The following MROH2B variants were observed in gnomAD, a reference collection of about 807,000 sequenced individuals.
The protein encoded by MROH2B is maestro heat like repeat family member 2B.
In MROH2B, 177 loss-of-function variants were observed where a neutral mutation model predicts 208.6. That is an observed-to-expected ratio of 0.85 (90% CI 0.75 to 0.96). MROH2B has a LOEUF of 0.96. Among genes scored for constraint, MROH2B ranks in the 40% least tolerant of loss-of-function variants. The pLI is 0.00. For missense variants in MROH2B, 2,002 were observed against 1,878.7 expected (o/e 1.07, Z -1.21); for synonymous variants, 728 against 659.0 (o/e 1.10, Z -1.60).
intron 2 of MROH2B, among the ~76,000 whole-genome samples, chr5:41,068,048 G>GT (rs1336102837): frequency 6.6e-6 from 1 of 152,126 alleles, no homozygotes; most frequent in Non-Finnish European, 1.5e-5. Context: ...TGTGTGGCTT[G>GT]ACTAGATGCC....
Position 41,050,966 on chromosome 5 carries a change from A to T in MROH2B, c.1344+11T>A. The stretch of plus-strand genomic sequence containing the variant: ...CAAAGTAACTGTAAGTGGTGACAAA[A>T]GACCACTTACCTGAGGCATTCCAAT... On this transcript the variant is annotated intron_variant, in intron 13 of 41. Transcript: ENST00000399564. 6.5e-7 allele frequency: 1 copy of T among 1,540,398 alleles called. No individual in the cohort carries two copies. The highest frequency in any genetic ancestry group is 8.8e-7 in the Non-Finnish European group (1 of 1,137,310).
At position 40,998,095 on chromosome 5, in the gene MROH2B, T is replaced by C; in HGVS notation, c.4715A>G (p.Gln1572Arg). The C allele has an allele frequency of 1.2e-6, 2 of 1,612,414 alleles. No homozygotes were observed. The highest frequency in any genetic ancestry group is 4.5e-5 in the East Asian group (2 of 44,854). The change falls in exon 42 of 42, where the codon CAA (glutamine) becomes CGA (arginine). Residue 1572 changes from glutamine to arginine, a missense_variant. Transcript: ENST00000399564. ...CTCTTTACACCTTCTCAGGAGGGTT[T>C]GCAAAGCAGCCTCAGCTGCTCTCTG... is the stretch of plus-strand genomic sequence containing the variant. ...SVQRAAEAAL[Q>R]TLLRRCKETS...
intron 29 of MROH2B, among the ~76,000 whole-genome samples, chr5:41,013,613 G>C (rs367747793): frequency 1.4e-3 from 213 of 152,272 alleles, no homozygotes; most frequent in African/African-American, 5.0e-3. Flanking sequence ...CAAACCATTT[G>C]CTGAGTTATT....
intron 5 of MROH2B, among the ~76,000 whole-genome samples, chr5:41,062,479 G>T (rs147535797): frequency 1.3e-5 from 2 of 152,086 alleles, no homozygotes; most frequent in Admixed American, 6.6e-5. Flanking sequence ...TCTGATTTGC[G>T]TGATTTTCTG....
rs1313158668 is a variant in MROH2B, at chr5:41,015,314, A to G, written c.2982+67T>C. ...ATCTATCTTCTTTGCAGTGGGGAGT[A>G]TGTAGCTTACTCATTTGGAAATCAA... On this transcript the variant is annotated intron_variant, in intron 29 of 41. Transcript: ENST00000399564. The G allele has an allele frequency of 2.2e-6, 3 of 1,371,376 alleles. No individual in the cohort carries two copies. In the East Asian group the frequency reaches 6.9e-5, roughly 32 times the overall value. The allele number at this position is 1,371,376 out of a possible 1,614,324, so 85.0% of individuals were successfully genotyped here. A position where few individuals can be genotyped will look rare whatever the true frequency, so the allele number is the denominator to read the frequency against.
Position 41,061,774 on chromosome 5 carries a change from C to T in MROH2B, c.461-50G>A. The T allele has an allele frequency of 1.9e-6, 3 of 1,548,586 alleles. No homozygotes were observed. In the Middle Eastern group the frequency reaches 5.2e-4, roughly 267 times the overall value. On this transcript the variant is annotated intron_variant, in intron 5 of 41. Transcript: ENST00000399564. ...GACTGAGAAAAATATAAGGATGGGG[C>T]AGACGATAAAATAATTTGAGAAGAG...
At chr5:41,018,662 G>A (rs372431130) in intron 26 of MROH2B, 29 bp downstream of exon 26, 3 of 1,604,342 alleles carry the variant, frequency 1.9e-6, no homozygotes, top group African/African-American at 1.3e-5. Flanking sequence ...GGGAGAATGA[G>A]AATCAGTTTG....
Position 41,070,737 on chromosome 5 carries a change from C to T in MROH2B, c.28+88G>A, listed in dbSNP as rs956892896. 8 of 1,355,492 alleles carry T rather than the reference C, an allele frequency of 5.9e-6. No individual in the cohort carries two copies. In the Admixed American group the frequency reaches 1.6e-4, roughly 27 times the overall value. 84.0% of individuals were successfully genotyped at this position (1,355,492 alleles called of 1,614,324 possible). The stretch of plus-strand genomic sequence containing the variant: ...TGTACAGTCCTCCCACAATGACGCG[C>T]CACTCCCAGCCCTCATATATACTTA... On this transcript the variant is annotated intron_variant, in intron 1 of 41. Coordinates refer to ENST00000399564, the MANE Select transcript of MROH2B (RefSeq NM_173489.5).
chr5:41,042,132 T>C lies in MROH2B; in HGVS notation c.1913A>G (p.Glu638Gly). 1 of 1,596,778 alleles carries C rather than the reference T, an allele frequency of 6.3e-7. No homozygotes were observed. The highest frequency in any genetic ancestry group is 8.5e-7 in the Non-Finnish European group (1 of 1,170,926). Reference protein sequence around the residue: ...DSDFVNSQIKEFLTAPNQLGD... With the variant: ...DSDFVNSQIKGFLTAPNQLGD... ...CAGTTGGTTGGGAGCAGTCAGAAAC[T>C]CCTTAATCTGTGAGTTTACAAAGTC... Residue 638 changes from glutamate (E) to glycine (G), a missense_variant, in exon 19 of 42, where the codon GAG becomes GGG. By Grantham distance (98) the Glu-to-Gly change is moderately conservative. Coordinates refer to ENST00000399564, the MANE Select transcript of MROH2B (RefSeq NM_173489.5).
At chr5:41,060,827 G>A (rs893593625) in intron 6 of MROH2B, among the ~76,000 whole-genome samples, 7 of 152,142 alleles carry the variant, frequency 4.6e-5, no homozygotes, top group Admixed American at 2.6e-4. Flanking sequence ...TGTTGCTAAC[G>A]ATTTAACTAC....
At chr5:41,065,996 C>T (rs1233665226) in intron 3 of MROH2B, among the ~76,000 whole-genome samples, 5 of 152,146 alleles carry the variant, frequency 3.3e-5, no homozygotes, top group Admixed American at 6.5e-5. Flanking sequence ...GAATTTAAAA[C>T]GCTGGTTTTA....
intron 21 of MROH2B, among the ~76,000 whole-genome samples, chr5:41,038,067 G>A (rs1243370314): frequency 1.3e-5 from 2 of 152,142 alleles, no homozygotes; most frequent in Non-Finnish European, 2.9e-5. Context: ...AGGTTGGCTG[G>A]GATGAATGTG....
chr5:41,019,092 C>A, intron 24 of MROH2B, 74 bp from the exon 25 acceptor site: 1 of 1,572,610 alleles, frequency 6.4e-7, no homozygotes, highest in South Asian at 1.1e-5. Flanking sequence ...TTCCCAAGAA[C>A]TGCCAATCAC....
chr5:41,010,163 G>A, intron 30 of MROH2B, 84 bp from the exon 31 acceptor site: 3 of 1,278,722 alleles, frequency 2.3e-6, no homozygotes, highest in South Asian at 1.6e-5. Flanking sequence ...TGTCGTGGAT[G>A]GGCAGCTGAT....
chr5:41,049,156 C>A lies in MROH2B; in HGVS notation c.1502-15G>T. On this transcript the variant is annotated splice_polypyrimidine_tract_variant and intron_variant, in intron 14 of 41. Coordinates refer to ENST00000399564, the MANE Select transcript of MROH2B (RefSeq NM_173489.5). ...AGGAAGTTTCACTAGAAAGAGAAAG[C>A]AATTTTCATCATCACTGCAGGGGTT... 1.2e-6 allele frequency: 2 copies of A among 1,601,350 alleles called. No homozygotes were observed. Among genetic ancestry groups the A allele is most frequent in the South Asian group, 2.2e-5 (2 of 88,928 alleles).
At chr5:41,031,801 G>A (rs1273747371) in intron 24 of MROH2B, among the ~76,000 whole-genome samples, 6 of 151,994 alleles carry the variant, frequency 3.9e-5, no homozygotes, top group Admixed American at 3.3e-4. Flanking sequence ...TGTCTACTCA[G>A]TATTTAGCTC....
intron 23 of MROH2B, 28 bp downstream of exon 23, chr5:41,033,013 C>T: frequency 1.2e-6 from 2 of 1,611,984 alleles, no homozygotes; most frequent in Non-Finnish European, 1.7e-6. Context: ...TACTCAGGGC[C>T]TTTCTTATTC....
At chr5:41,032,656 AAGTCTGCACTAACAGATGTT>A in intron 24 of MROH2B, 66 bp downstream of exon 24, 1 of 1,092,318 alleles carries the variant, frequency 9.2e-7, no homozygotes, top group South Asian at 1.3e-5. Context: ...GTGTGTACTG[AAGTCTGCACTAACAGATGTT>A]AGTTGATCAG....
At chr5:41,040,767 G>A (rs1249019970) in intron 19 of MROH2B, among the ~76,000 whole-genome samples, 3 of 152,070 alleles carry the variant, frequency 2.0e-5, no homozygotes, top group Admixed American at 1.3e-4. Context: ...CTGGGTTCAC[G>A]CGATTCTCTT....
Sources: gnomAD v4.1 joint callset for allele counts (sites outside exome capture counted in the v4.1 genomes callset) on GRCh38, gnomAD v4.1.1 for gene constraint, MANE v1.5 for transcripts, NCBI Gene and HGNC (gene_info 2026-07-23, HGNC 2026-07-21) for gene names.